The following MTR variants were observed in gnomAD, a reference collection of about 807,000 sequenced individuals.
The protein encoded by MTR is methionine synthase.
A neutral mutation model predicts 154.8 loss-of-function variants in MTR; 84 were observed. The observed-to-expected ratio is 0.54, with a 90% CI of 0.45 to 0.65. The LOEUF is 0.65. MTR is among the 30% of genes least tolerant of loss of function. The probability of loss-of-function intolerance (pLI) is 0.00; values close to 1 mark genes in which losing one functional copy is unlikely to be tolerated. For missense variants in MTR, 1,275 were observed against 1,570.2 expected (o/e 0.81, Z 3.18); for synonymous variants, 554 against 553.9 (o/e 1.00, Z 0.00).
chr1:236,806,042 A>G, intron 2 of MTR, 102 bp from the exon 3 acceptor site: 2 of 976,642 alleles, frequency 2.0e-6, no homozygotes, highest in Non-Finnish European at 3.2e-6. Flanking sequence ...GTAAATGGTC[A>G]AAAGGTAGCT....
intron 22 of MTR, among the ~76,000 whole-genome samples, chr1:236,867,225 C>T (rs772695116): frequency 2.0e-5 from 3 of 152,118 alleles, no homozygotes; most frequent in Non-Finnish European, 4.4e-5. Flanking sequence ...TCAGTTGAAG[C>T]CAGTGCGCAT....
At chr1:236,850,839 A>G (rs1374741415) in intron 16 of MTR, among the ~76,000 whole-genome samples, 3 of 152,184 alleles carry the variant, frequency 2.0e-5, no homozygotes. Flanking sequence ...CTTGAACAAA[A>G]TGATGCAAAA....
At chr1:236,802,791 T>A (rs2103010972) in intron 1 of MTR, among the ~76,000 whole-genome samples, 1 of 152,160 alleles carries the variant, frequency 6.6e-6, no homozygotes, top group East Asian at 1.9e-4. Context: ...CCAGTCAGCA[T>A]AGTTTTGTGG....
chr1:236,870,897 G>T (rs970889966), intron 22 of MTR, among the ~76,000 whole-genome samples: 1 of 152,052 alleles, frequency 6.6e-6, no homozygotes, highest in Non-Finnish European at 1.5e-5. Context: ...CAGATAACCC[G>T]CATGTAACCC....
chr1:236,810,709 A>G, intron 5 of MTR, 114 bp downstream of exon 5: 1 of 881,964 alleles, frequency 1.1e-6, no homozygotes, highest in Non-Finnish European at 1.9e-6. Context: ...AGTTACTGTG[A>G]TTTAATCCAT....
chr1:236,861,112 TTGTC>T lies in MTR; in HGVS notation c.2044-11_2044-8del. 1 of 1,532,968 alleles carries T rather than the reference TTGTC, an allele frequency of 6.5e-7. No homozygotes were observed. The highest frequency in any genetic ancestry group is 8.7e-7 in the Non-Finnish European group (1 of 1,144,948). 95.0% of individuals were successfully genotyped at this position (1,532,968 alleles called of 1,614,324 possible). ...CTTTCTTTTTCTTTTTTTTTTTTTT[TTGTC>T]TTTTTTAGGGCATTGAAAAACATAT... On this transcript the variant is annotated splice_polypyrimidine_tract_variant and intron_variant, in intron 19 of 32. Transcript: ENST00000366577.
intron 15 of MTR, among the ~76,000 whole-genome samples, chr1:236,849,606 A>G (rs938494649): frequency 1.3e-5 from 2 of 152,144 alleles, no homozygotes; most frequent in African/African-American, 2.4e-5. Flanking sequence ...CAAAGGAGCA[A>G]TGTAGGAGGT....
intron 12 of MTR, 84 bp downstream of exon 12, chr1:236,829,352 A>G (rs1662479587): frequency 1.7e-6 from 2 of 1,158,174 alleles, no homozygotes; most frequent in Non-Finnish European, 2.6e-6. Context: ...TGTTTGTGCT[A>G]GGCAGCTTGC....
intron 25 of MTR, among the ~76,000 whole-genome samples, chr1:236,882,722 T>G (rs1665815217): frequency 6.6e-6 from 1 of 152,104 alleles, no homozygotes; most frequent in Non-Finnish European, 1.5e-5. Context: ...GCTAGAGCAG[T>G]GGGGGCCTTG....
chr1:236,834,320 C>T (rs140014727), intron 13 of MTR, among the ~76,000 whole-genome samples: 37 of 152,270 alleles, frequency 2.4e-4, no homozygotes, highest in East Asian at 2.3e-3. Context: ...GCTGGGACTA[C>T]GGGCTCATGC....
Position 236,902,324 on chromosome 1 carries a change from G to A in MTR, c.*4680G>A, listed in dbSNP as rs1209066288. The A allele has an allele frequency of 6.6e-6, 1 of 150,796 alleles. No individual in the cohort carries two copies. The highest frequency in any genetic ancestry group is 6.6e-5 in the Admixed American group (1 of 15,156). 9.3% of individuals were successfully genotyped at this position (150,796 alleles called of 1,614,324 possible). ...AACCCCTCCCTCCCACCACCCCAAAGCTAAGTGAAGTGACCCCTCTTCTTG... is the reference window on the plus strand; with the variant it reads ...AACCCCTCCCTCCCACCACCCCAAAACTAAGTGAAGTGACCCCTCTTCTTG... On this transcript the variant is annotated 3_prime_UTR_variant, in exon 33 of 33. Coordinates refer to ENST00000366577, the MANE Select transcript of MTR (RefSeq NM_000254.3).
intron 15 of MTR, among the ~76,000 whole-genome samples, chr1:236,847,588 A>C (rs1220584233): frequency 6.6e-6 from 1 of 152,120 alleles, no homozygotes; most frequent in South Asian, 2.1e-4. Context: ...GCTGCTTAGA[A>C]TCTCACTGAG....
Position 236,895,557 on chromosome 1 carries a change from G to C in MTR, c.3598+7G>C. 3 of 1,562,484 alleles carry C rather than the reference G, an allele frequency of 1.9e-6. No individual in the cohort carries two copies. The highest frequency in any genetic ancestry group is 2.6e-6 in the Non-Finnish European group (3 of 1,152,474). Reference sequence around the variant, plus strand: ...GACATCGAGCAGTCTACAGGTAGGAGCCAGGAGGCTGCGGGTTCCTGTCTT... The same window carrying C: ...GACATCGAGCAGTCTACAGGTAGGACCCAGGAGGCTGCGGGTTCCTGTCTT... On this transcript the variant is annotated splice_region_variant and intron_variant, in intron 31 of 32. Coordinates refer to ENST00000366577, the MANE Select transcript of MTR (RefSeq NM_000254.3).
chr1:236,804,032 A>G (rs1421945225), intron 2 of MTR, among the ~76,000 whole-genome samples: 1 of 142,372 alleles, frequency 7.0e-6, no homozygotes, highest in Non-Finnish European at 1.6e-5. Flanking sequence ...AGACTGGGTT[A>G]TACAAGCACA....
chr1:236,892,233 A>G (rs1666367556), intron 29 of MTR, among the ~76,000 whole-genome samples: 1 of 152,154 alleles, frequency 6.6e-6, no homozygotes, highest in Non-Finnish European at 1.5e-5. Flanking sequence ...GCACTTTGAG[A>G]GGCCAAGGTG....
chr1:236,824,000 C>A, intron 8 of MTR, 119 bp from the exon 9 acceptor site: 1 of 848,120 alleles, frequency 1.2e-6, no homozygotes, highest in Non-Finnish European at 2.0e-6. Context: ...AATAAAAGTG[C>A]TTTGAATGAG....
intron 4 of MTR, among the ~76,000 whole-genome samples, chr1:236,809,269 G>A (rs936131320): frequency 6.6e-6 from 1 of 152,172 alleles, no homozygotes; most frequent in Admixed American, 6.5e-5. Context: ...GCTCTGTGAA[G>A]CACACAAAAA....
At chr1:236,865,883 G>A (rs1664796817) in intron 22 of MTR, among the ~76,000 whole-genome samples, 1 of 151,186 alleles carries the variant, frequency 6.6e-6, no homozygotes, top group Admixed American at 6.6e-5. Flanking sequence ...TACCCTGCCT[G>A]TTATTGTATT....
intron 13 of MTR, 63 bp from the exon 14 acceptor site, chr1:236,835,484 T>G: frequency 6.3e-7 from 1 of 1,593,706 alleles, no homozygotes; most frequent in Non-Finnish European, 8.6e-7. Flanking sequence ...AGGAATTACC[T>G]CATTAGCCTT....
Sources: allele counts gnomAD v4.1 joint callset (sites outside exome capture counted in the v4.1 genomes callset), GRCh38; gene constraint gnomAD v4.1.1; transcripts MANE v1.5; gene names NCBI Gene and HGNC (gene_info 2026-07-23, HGNC 2026-07-21).